SLC22A23: variants seen among roughly 807,000 people sequenced by gnomAD.
SLC22A23 encodes the protein ion transporter protein.
A neutral mutation model predicts 61.0 loss-of-function variants in SLC22A23; 26 were observed. The ratio of observed to expected loss-of-function variants is 0.43; its 90% confidence interval spans 0.31 to 0.59. The LOEUF is 0.59. Ranked by LOEUF, SLC22A23 falls within the 20% of genes least tolerant of loss-of-function variation. The pLI, the probability that SLC22A23 is intolerant of heterozygous loss-of-function variation, is 0.11. For synonymous variants in SLC22A23, 430 were observed against 413.9 expected, an observed-to-expected ratio of 1.04 and a Z score of -0.47; for missense variants, 796 against 934.7, an observed-to-expected ratio of 0.85 and a Z score of 1.94.
intron 9 of SLC22A23, among the ~76,000 whole-genome samples, chr6:3,280,588 T>C (rs945114595): frequency 4.2e-5 from 6 of 142,504 alleles, no homozygotes; most frequent in Admixed American, 7.6e-5. Flanking sequence ...CTCCGCCTCC[T>C]GGGTTCACGC....
intron 9 of SLC22A23, chr6:3,282,270 C>T (rs1448529161): frequency 2.8e-6 from 2 of 702,602 alleles, no homozygotes; most frequent in African/African-American, 1.7e-5. Flanking sequence ...CTGAGGTATC[C>T]TGCAACTGCA....
rs1246263254 is a variant in SLC22A23, at chr6:3,410,660, A to C, written c.759-318T>G. On this transcript the variant is annotated intron_variant, in intron 2 of 9. Coordinates refer to ENST00000406686, the MANE Select transcript of SLC22A23 (RefSeq NM_015482.2). The surrounding 1 kb of genome is among the most constrained non-coding windows in gnomAD (Gnocchi z 5.0). ...TGATATAATTCAAGGCAAGGGGAACAAAATTAATAATTCTCCAAACAGGAA... is the reference window on the plus strand; with the variant it reads ...TGATATAATTCAAGGCAAGGGGAACCAAATTAATAATTCTCCAAACAGGAA... Among the ~76,000 whole-genome samples the C allele has an allele frequency of 6.6e-6, 1 of 152,204 alleles. No individual in the cohort carries two copies. Among genetic ancestry groups the C allele is most frequent in the East Asian group, 1.9e-4 (1 of 5,194 alleles).
chr6:3,389,268 C>CAAAAAAAAAAAAAAAAAAAAAA (rs61020784), intron 3 of SLC22A23, among the ~76,000 whole-genome samples: 1 of 32,594 alleles, frequency 3.1e-5, no homozygotes, highest in Non-Finnish European at 4.8e-5. Context: ...AACTCTGTCT[C>CAAAAAAAAAAAAAAAAAAAAAA]AAAAAAAAAA....
chr6:3,366,992 G>A (rs1032860058), intron 3 of SLC22A23, among the ~76,000 whole-genome samples: 3 of 152,214 alleles, frequency 2.0e-5, no homozygotes, highest in African/African-American at 4.8e-5. Context: ...TAGGCAGTGA[G>A]CAGATGAACA....
At chr6:3,426,489 A>C (rs1770499624) in intron 1 of SLC22A23, among the ~76,000 whole-genome samples, 2 of 134,924 alleles carry the variant, frequency 1.5e-5, no homozygotes, top group South Asian at 4.4e-4. Flanking sequence ...AACAGGAAGG[A>C]TTAGGAAAAA....
intron 4 of SLC22A23, among the ~76,000 whole-genome samples, chr6:3,311,038 A>T (rs570095396): frequency 1.3e-5 from 2 of 152,360 alleles, no homozygotes; most frequent in East Asian, 3.9e-4. Context: ...TTCACGGGCT[A>T]AACATGCACT....
Position 3,328,261 on chromosome 6 carries a change from A to C in SLC22A23, c.914-4259T>G, listed in dbSNP as rs1343018509. Among the ~76,000 whole-genome samples the C allele has an allele frequency of 6.6e-6, 1 of 152,028 alleles. No individual in the cohort carries two copies. Among genetic ancestry groups the C allele is most frequent in the Non-Finnish European group, 1.5e-5 (1 of 68,016 alleles). ...TGAGGCATTTGTTTAGTGAATCAAC[A>C]GGGACCATGACTAAGTCTGAGCACA... is the stretch of plus-strand genomic sequence containing the variant. On this transcript the variant is annotated intron_variant, in intron 3 of 9. Coordinates refer to ENST00000406686, the MANE Select transcript of SLC22A23 (RefSeq NM_015482.2). This position sits in a 1 kb window ranked among gnomAD's most constrained non-coding sequence, Gnocchi z 5.0.
chr6:3,380,305 T>C (rs1438728673), intron 3 of SLC22A23, among the ~76,000 whole-genome samples: 2 of 152,176 alleles, frequency 1.3e-5, no homozygotes, highest in African/African-American at 4.8e-5. Context: ...TAACCTATCT[T>C]GACATAGTTA....
intron 3 of SLC22A23, among the ~76,000 whole-genome samples, chr6:3,404,957 TAA>T (rs34672318): frequency 2.1e-5 from 3 of 144,758 alleles, no homozygotes; most frequent in Admixed American, 6.9e-5. Flanking sequence ...CTTTGAAGCT[TAA>T]AAAAAAAAAA....
intron 5 of SLC22A23, among the ~76,000 whole-genome samples, chr6:3,296,809 G>A (rs1761142574): frequency 6.6e-6 from 1 of 152,182 alleles, no homozygotes; most frequent in Non-Finnish European, 1.5e-5. Flanking sequence ...CTGAGCTACG[G>A]CAGCACCAAG....
chr6:3,435,824 G>A lies in SLC22A23; in HGVS notation c.655-19969C>T, dbSNP rs554314417. 6.6e-5 allele frequency among the ~76,000 whole-genome samples: 10 copies of A among 152,256 alleles called. No homozygotes were observed. In the South Asian group the frequency reaches 1.5e-3, roughly 22 times the overall value. On this transcript the variant is annotated intron_variant, in intron 1 of 9. Coordinates refer to ENST00000406686, the MANE Select transcript of SLC22A23 (RefSeq NM_015482.2). ...AAAGTTAAAGTAAGGTCTCTAGGGC[G>A]GGCCCTAATCCAAGGTGACTGGTGT...
At chr6:3,294,975 A>G (rs890775954) in intron 5 of SLC22A23, among the ~76,000 whole-genome samples, 3 of 152,206 alleles carry the variant, frequency 2.0e-5, no homozygotes, top group African/African-American at 4.8e-5. Context: ...CGAGACGCTT[A>G]CTTACCCAGT....
In SLC22A23 at chr6:3,351,698, C is replaced by T. The variant is rs1259277199; in HGVS notation, c.914-27696G>A. On this transcript the variant is annotated intron_variant, in intron 3 of 9. Coordinates refer to ENST00000406686, the MANE Select transcript of SLC22A23 (RefSeq NM_015482.2). ...TCAAAGATTCTGTAACCCATCTCCTCCCCCAGCCACACTGTACCACAGGGT... is the reference window on the plus strand; with the variant it reads ...TCAAAGATTCTGTAACCCATCTCCTTCCCCAGCCACACTGTACCACAGGGT... Among the ~76,000 whole-genome samples, 4 of 152,102 alleles carry T rather than the reference C, an allele frequency of 2.6e-5. No individual in the cohort carries two copies. In the East Asian group the frequency reaches 5.8e-4, roughly 22 times the overall value.
chr6:3,316,054 C>T (rs554582069), intron 4 of SLC22A23, among the ~76,000 whole-genome samples: 2 of 152,254 alleles, frequency 1.3e-5, no homozygotes, highest in African/African-American at 2.4e-5. Flanking sequence ...CCACCACAGG[C>T]GTTTTTATTC....
intron 3 of SLC22A23, among the ~76,000 whole-genome samples, chr6:3,389,372 A>G (rs1264742467): frequency 6.6e-6 from 1 of 151,980 alleles, no homozygotes; most frequent in Non-Finnish European, 1.5e-5. Context: ...ATTGAAATGT[A>G]CACTTAAAAA....
chr6:3,348,624 G>A (rs576008154), intron 3 of SLC22A23, among the ~76,000 whole-genome samples: 1 of 152,316 alleles, frequency 6.6e-6, no homozygotes, highest in Non-Finnish European at 1.5e-5. Context: ...CCGGCACGGA[G>A]CTGGGTGTGG....
intron 3 of SLC22A23, among the ~76,000 whole-genome samples, chr6:3,357,209 CCAAA>C (rs1487604811): frequency 9.9e-5 from 15 of 152,138 alleles, no homozygotes; most frequent in African/African-American, 3.4e-4. Context: ...ATTGTTTTTG[CCAAA>C]CAAACTCCCT....
rs931656729 is a variant in SLC22A23, at chr6:3,322,805, G to T, written c.1082+1029C>A. 6.6e-6 allele frequency among the ~76,000 whole-genome samples: 1 copy of T among 152,164 alleles called. No homozygotes were observed. Among genetic ancestry groups the T allele is most frequent in the African/African-American group, 2.4e-5 (1 of 41,430 alleles). ...AGCTCAGCTCCAGTGAACCCTTAAA[G>T]CAAGGACAAGACTGACTGCACGGCC... is the stretch of plus-strand genomic sequence containing the variant. On this transcript the variant is annotated intron_variant, in intron 4 of 9. Transcript: ENST00000406686. This position sits in a 1 kb window ranked among gnomAD's most constrained non-coding sequence, Gnocchi z 4.1.
At position 3,308,934 on chromosome 6, in the gene SLC22A23, C is replaced by T. The variant is rs1373341302; in HGVS notation, c.1083-10716G>A. On this transcript the variant is annotated intron_variant, in intron 4 of 9. Coordinates refer to ENST00000406686, the MANE Select transcript of SLC22A23 (RefSeq NM_015482.2). This position sits in a 1 kb window ranked among gnomAD's most constrained non-coding sequence, Gnocchi z 5.1. ...CTCCAGCCTGGGCGACAGAGCGAGACTCTGTCTCAAAAAACAAACAAACAA... is the reference window on the plus strand; with the variant it reads ...CTCCAGCCTGGGCGACAGAGCGAGATTCTGTCTCAAAAAACAAACAAACAA... 6.6e-6 allele frequency among the ~76,000 whole-genome samples: 1 copy of T among 152,046 alleles called. No individual in the cohort carries two copies. Among genetic ancestry groups the T allele is most frequent in the African/African-American group, 2.4e-5 (1 of 41,356 alleles).
Sources: gnomAD v4.1 joint callset for allele counts (sites outside exome capture counted in the v4.1 genomes callset) on GRCh38, gnomAD v4.1.1 for gene constraint, Gnocchi (gnomAD v3.1) non-coding constraint, MANE v1.5 for transcripts, NCBI Gene and HGNC (gene_info 2026-07-23, HGNC 2026-07-21) for gene names.